The following SLC38A12 variants were observed in gnomAD, a reference collection of about 807,000 sequenced individuals.
The protein encoded by SLC38A12 is putative sodium-coupled neutral amino acid transporter 12.
chr17:74,794,653 T>G, the SLC38A12 span, among the ~76,000 whole-genome samples: 1 of 152,220 alleles, frequency 6.6e-6, no homozygotes, highest in East Asian at 1.9e-4. Flanking sequence ...CAGACGCACC[T>G]GGGGTTCAGG....
the SLC38A12 span, among the ~76,000 whole-genome samples, chr17:74,826,375 A>C: frequency 6.6e-6 from 1 of 152,166 alleles, no homozygotes; most frequent in Non-Finnish European, 1.5e-5. Flanking sequence ...TAGCCACAGG[A>C]TAGAACCTCG....
the SLC38A12 span, among the ~76,000 whole-genome samples, chr17:74,824,668 G>A: frequency 1.2e-4 from 19 of 152,312 alleles, no homozygotes; most frequent in East Asian, 7.7e-4. Flanking sequence ...GCCGAGGACC[G>A]CAGGGTTCCC....
the SLC38A12 span, among the ~76,000 whole-genome samples, chr17:74,835,703 C>T: frequency 6.6e-6 from 1 of 152,218 alleles, no homozygotes; most frequent in Admixed American, 6.5e-5. Flanking sequence ...ATACCCAGGC[C>T]CCCTGCTCAG....
chr17:74,794,601 C>G, the SLC38A12 span, among the ~76,000 whole-genome samples: 2 of 152,128 alleles, frequency 1.3e-5, no homozygotes, highest in South Asian at 4.1e-4. Flanking sequence ...AATCTCTTGT[C>G]TTAGAGCCCG....
the SLC38A12 span, among the ~76,000 whole-genome samples, chr17:74,786,945 C>G: frequency 2.0e-5 from 3 of 152,166 alleles, no homozygotes; most frequent in South Asian, 6.2e-4. Context: ...GTACCACACC[C>G]CGCTCCTTGC....
the SLC38A12 span, chr17:74,837,468 C>T: frequency 1.0e-6 from 1 of 985,524 alleles, no homozygotes; most frequent in African/African-American, 1.7e-5. Context: ...CTGGAGCCCT[C>T]AGGGCCTCCT....
the SLC38A12 span, among the ~76,000 whole-genome samples, chr17:74,792,926 G>A: frequency 6.6e-6 from 1 of 152,182 alleles, no homozygotes; most frequent in African/African-American, 2.4e-5. Context: ...TGGCAGCAAC[G>A]CAAAGTCCCC....
the SLC38A12 span, chr17:74,819,709 G>C: frequency 6.3e-7 from 1 of 1,581,892 alleles, no homozygotes; most frequent in Admixed American, 1.7e-5. Context: ...CAGTCTGCTG[G>C]TGCGGCCTGC....
At chr17:74,826,046 C>T in the SLC38A12 span, among the ~76,000 whole-genome samples, 1 of 152,216 alleles carries the variant, frequency 6.6e-6, no homozygotes, top group South Asian at 2.1e-4. Context: ...GGTGACAGCG[C>T]CTGAAATTTT....
chr17:74,790,364 A>C, the SLC38A12 span: 1 of 1,405,458 alleles, frequency 7.1e-7, no homozygotes, highest in East Asian at 2.3e-5. Flanking sequence ...CTTCATGGAG[A>C]GGGCCCTGGA....
At chr17:74,801,800 T>G in the SLC38A12 span, among the ~76,000 whole-genome samples, 3 of 152,294 alleles carry the variant, frequency 2.0e-5, no homozygotes, top group South Asian at 6.2e-4. Flanking sequence ...TCTTGCTTGC[T>G]TGCTTTTTTT....
chr17:74,797,950 C>G, the SLC38A12 span, among the ~76,000 whole-genome samples: 1 of 152,218 alleles, frequency 6.6e-6, no homozygotes, highest in Non-Finnish European at 1.5e-5. Context: ...CCCGCTGCCC[C>G]CTGGTCATTC....
chr17:74,789,336 C>T, the SLC38A12 span, among the ~76,000 whole-genome samples: 1 of 152,032 alleles, frequency 6.6e-6, no homozygotes, highest in Non-Finnish European at 1.5e-5. Flanking sequence ...TCAAGATCAG[C>T]CTGGCCAACA....
chr17:74,806,214 G>A, the SLC38A12 span, among the ~76,000 whole-genome samples: 1 of 152,278 alleles, frequency 6.6e-6, no homozygotes, highest in Non-Finnish European at 1.5e-5. Context: ...CTTAGGACCT[G>A]TGAGGATCAA....
the SLC38A12 span, among the ~76,000 whole-genome samples, chr17:74,818,738 C>T: frequency 2.0e-5 from 3 of 152,208 alleles, no homozygotes; most frequent in Non-Finnish European, 4.4e-5. Context: ...GATAAAATGG[C>T]ACTGTGTAAA....
At chr17:74,838,501 T>C in the SLC38A12 span, 1 of 1,022,214 alleles carries the variant, frequency 9.8e-7, no homozygotes, top group Non-Finnish European at 1.2e-6. Context: ...GCAAATTCAT[T>C]AGCTTCATAA....
the SLC38A12 span, among the ~76,000 whole-genome samples, chr17:74,810,205 A>C: frequency 2.6e-5 from 4 of 152,220 alleles, no homozygotes; most frequent in African/African-American, 9.6e-5. Context: ...TTTTTACTGA[A>C]GATAATGGTG....
At chr17:74,777,550 T>C in the SLC38A12 span, 1 of 1,536,566 alleles carries the variant, frequency 6.5e-7, no homozygotes. Context: ...TGGCTCAGAA[T>C]GTAAGTCAGA....
chr17:74,799,246 C>T, the SLC38A12 span, among the ~76,000 whole-genome samples: 3 of 152,244 alleles, frequency 2.0e-5, no homozygotes, highest in African/African-American at 4.8e-5. Context: ...ATCTACCGCT[C>T]ACAGGTGGAC....
Sources: gnomAD v4.1 joint callset for allele counts (sites outside exome capture counted in the v4.1 genomes callset) on GRCh38, gnomAD v4.1.1 for gene constraint, MANE v1.5 for transcripts, NCBI Gene and HGNC (gene_info 2026-07-23, HGNC 2026-07-21) for gene names.